Variants in RASGRP1 observed in about 807,000 individuals in gnomAD.
RASGRP1 encodes the protein RAS guanyl releasing protein 1.
RASGRP1 carries 37 observed loss-of-function variants against 95.1 expected under a neutral mutation model. The observed-to-expected ratio is 0.39, with a 90% CI of 0.30 to 0.51. The LOEUF (loss-of-function observed/expected upper bound fraction) is 0.51, where lower values mean the gene tolerates loss of function less well. Among genes scored for constraint, RASGRP1 ranks in the 20% least tolerant of loss-of-function variants. The probability of loss-of-function intolerance (pLI) is 0.80; values close to 1 mark genes in which losing one functional copy is unlikely to be tolerated. For synonymous variants in RASGRP1, 325 were observed against 353.4 expected (o/e 0.92, Z 0.90); for missense variants, 711 against 965.4 (o/e 0.74, Z 3.49).
chr15:38,546,925 C>T (rs565250856), intron 2 of RASGRP1, among the ~76,000 whole-genome samples: 180 of 152,272 alleles, frequency 1.2e-3, no homozygotes, highest in African/African-American at 4.2e-3. Context: ...CGAGACTTTA[C>T]GTTTTATTGA....
chr15:38,544,165 C>T (rs968023642), intron 2 of RASGRP1, among the ~76,000 whole-genome samples: 3 of 152,158 alleles, frequency 2.0e-5, no homozygotes, highest in African/African-American at 2.4e-5. Context: ...CTCATCCCAC[C>T]TGAATGCCCA....
chr15:38,538,097 C>G (rs1282155545), intron 2 of RASGRP1, among the ~76,000 whole-genome samples: 1 of 152,106 alleles, frequency 6.6e-6, no homozygotes, highest in Non-Finnish European at 1.5e-5. Context: ...AACCTCGTCT[C>G]TACTAAAAAT....
In RASGRP1 at chr15:38,519,372, G is replaced by C. The variant is rs772305736; in HGVS notation, c.327-1C>G. ...ATTCTTTGCCAAAGCATCCTTATAG[G>C]TAGGGCTGTGGTTAAGGGAAATGGA... is the stretch of plus-strand genomic sequence containing the variant. On this transcript the variant is annotated splice_acceptor_variant, in intron 3 of 16. Coordinates refer to ENST00000310803, the MANE Select transcript of RASGRP1 (RefSeq NM_005739.4). LOFTEE classifies it high-confidence loss of function. 26 of 1,517,350 alleles carry C rather than the reference G, an allele frequency of 1.7e-5. No homozygotes were observed. The South Asian group carries it at 3.0e-4, about 17-fold the overall frequency. 94.0% of individuals were successfully genotyped at this position (1,517,350 alleles called of 1,614,324 possible).
intron 16 of RASGRP1, among the ~76,000 whole-genome samples, chr15:38,492,774 G>A (rs994249179): frequency 2.0e-5 from 3 of 151,910 alleles, no homozygotes; most frequent in Non-Finnish European, 4.4e-5. Flanking sequence ...TACTGTACTC[G>A]AAACAAAAAG....
intron 14 of RASGRP1, 41 bp downstream of exon 14, chr15:38,500,062 G>A (rs1157776932): frequency 7.5e-6 from 12 of 1,598,504 alleles, no homozygotes; most frequent in Non-Finnish European, 9.4e-6. Flanking sequence ...CGTGAGAATG[G>A]ACTGATACAC....
At chr15:38,491,992 GACCA>G (rs1890604051) in intron 16 of RASGRP1, among the ~76,000 whole-genome samples, 1 of 152,128 alleles carries the variant, frequency 6.6e-6, no homozygotes, top group South Asian at 2.1e-4. Context: ...ATTTCACAAG[GACCA>G]AATAGGCTGT....
intron 2 of RASGRP1, among the ~76,000 whole-genome samples, chr15:38,528,614 T>C (rs1465001599): frequency 6.6e-6 from 1 of 152,206 alleles, no homozygotes; most frequent in Non-Finnish European, 1.5e-5. Context: ...CTTTTTCTGC[T>C]AAGCTTTTAA....
chr15:38,527,776 C>T (rs1042768152), intron 2 of RASGRP1, among the ~76,000 whole-genome samples: 13 of 152,004 alleles, frequency 8.6e-5, no homozygotes, highest in African/African-American at 3.1e-4. Flanking sequence ...CCTCAAACGA[C>T]GATCTAAAGT....
intron 2 of RASGRP1, among the ~76,000 whole-genome samples, chr15:38,557,342 C>T (rs1433172551): frequency 6.6e-6 from 1 of 152,184 alleles, no homozygotes; most frequent in East Asian, 1.9e-4. Context: ...CTTCCAGACA[C>T]AGAGCGTCTT....
At chr15:38,503,593 A>C in intron 10 of RASGRP1, 1 of 555,580 alleles carries the variant, frequency 1.8e-6, no homozygotes, top group Non-Finnish European at 3.2e-6. Context: ...CTTCACATAC[A>C]TTATCTGCAG....
chr15:38,506,608 C>T (rs906100271), intron 9 of RASGRP1, among the ~76,000 whole-genome samples: 1 of 125,970 alleles, frequency 7.9e-6, no homozygotes, highest in African/African-American at 3.0e-5. Flanking sequence ...GCACTCCAGT[C>T]TAGGTCATAG....
chr15:38,561,585 G>A (rs1447671490), intron 1 of RASGRP1, among the ~76,000 whole-genome samples: 1 of 152,250 alleles, frequency 6.6e-6, no homozygotes, highest in Non-Finnish European at 1.5e-5. Flanking sequence ...CCTGCTAAGA[G>A]ATGGTGTATA....
chr15:38,508,922 C>T (rs1891377958), intron 8 of RASGRP1, among the ~76,000 whole-genome samples: 1 of 152,134 alleles, frequency 6.6e-6, no homozygotes, highest in African/African-American at 2.4e-5. Context: ...GGGATACAGT[C>T]CAAGACGCCT....
At chr15:38,511,468 G>A (rs1211278175) in intron 8 of RASGRP1, 136 bp downstream of exon 8, 4 of 638,156 alleles carry the variant, frequency 6.3e-6, no homozygotes, top group Non-Finnish European at 1.1e-5. Flanking sequence ...CTTAAGGTTT[G>A]CCTCCCTGCC....
At chr15:38,507,008 A>G (rs1044526211) in intron 9 of RASGRP1, among the ~76,000 whole-genome samples, 1 of 152,232 alleles carries the variant, frequency 6.6e-6, no homozygotes, top group Admixed American at 6.5e-5. Context: ...TGAGGCAGAA[A>G]GAGGTTATGA....
At chr15:38,534,360 AC>A (rs756228015) in intron 2 of RASGRP1, 4 of 151,312 alleles carry the variant, frequency 2.6e-5, no homozygotes, top group Non-Finnish European at 5.9e-5. Context: ...TTCTGGGATA[AC>A]CTGGTATGTC....
chr15:38,515,171 T>C (rs1303483476), intron 6 of RASGRP1, among the ~76,000 whole-genome samples: 1 of 152,200 alleles, frequency 6.6e-6, no homozygotes, highest in Non-Finnish European at 1.5e-5. Context: ...GCTCAACAAA[T>C]TGGTGCTGAG....
chr15:38,516,022 C>G (rs1421807520), intron 6 of RASGRP1, among the ~76,000 whole-genome samples, 175 bp downstream of exon 6: 1 of 151,774 alleles, frequency 6.6e-6, no homozygotes, highest in Non-Finnish European at 1.5e-5. Flanking sequence ...ACAGGAGTCA[C>G]AATCAAAGGA....
rs919068434 is a variant in RASGRP1, at chr15:38,488,723, C to T, written c.*1831G>A. 6.6e-6 allele frequency: 1 copy of T among 151,922 alleles called. No homozygotes were observed. The highest frequency in any genetic ancestry group is 1.5e-5 in the Non-Finnish European group (1 of 67,848). The allele number at this position is 151,922 out of a possible 1,614,324, so 9.4% of individuals were successfully genotyped here. A position where few individuals can be genotyped will look rare whatever the true frequency, so the allele number is the denominator to read the frequency against. ...ATTACTGTTTTAAAAAATTAGAGTACACCATCTTTGGTCTATATCAATCAA... is the reference window on the plus strand; with the variant it reads ...ATTACTGTTTTAAAAAATTAGAGTATACCATCTTTGGTCTATATCAATCAA... On this transcript the variant is annotated 3_prime_UTR_variant, in exon 17 of 17. Transcript: ENST00000310803.
Sources: allele counts gnomAD v4.1 joint callset (sites outside exome capture counted in the v4.1 genomes callset), GRCh38; gene constraint gnomAD v4.1.1; transcripts MANE v1.5; gene names NCBI Gene and HGNC (gene_info 2026-07-23, HGNC 2026-07-21).